Variants in ROBO1 observed in about 807,000 individuals in gnomAD.
The protein encoded by ROBO1 is roundabout guidance receptor 1, also known as roundabout homolog 1.
ROBO1 carries 149 observed loss-of-function variants against 195.9 expected under a neutral mutation model. The observed-to-expected ratio is 0.76, with a 90% CI of 0.67 to 0.87. The LOEUF is 0.87. ROBO1 is among the 40% of genes least tolerant of loss of function. The probability of loss-of-function intolerance (pLI) is 0.00; values close to 1 mark genes in which losing one functional copy is unlikely to be tolerated. For missense variants in ROBO1, 1,933 were observed against 2,068.3 expected (o/e 0.93, Z 1.27); for synonymous variants, 816 against 733.2 (o/e 1.11, Z -1.82).
At chr3:79,370,574 T>C (rs1431314088) in intron 2 of ROBO1, among the ~76,000 whole-genome samples, 1 of 151,972 alleles carries the variant, frequency 6.6e-6, no homozygotes, top group African/African-American at 2.4e-5. Context: ...TATTCATGTC[T>C]TGTACTACCC....
At chr3:78,859,066 G>T (rs1211816462) in intron 4 of ROBO1, among the ~76,000 whole-genome samples, 2 of 152,094 alleles carry the variant, frequency 1.3e-5, no homozygotes, top group Non-Finnish European at 2.9e-5. Context: ...GCCATGCAGG[G>T]TTTCCAAGTG....
chr3:79,542,783 A>C (rs1446850932), intron 2 of ROBO1, among the ~76,000 whole-genome samples: 1 of 152,032 alleles, frequency 6.6e-6, no homozygotes, highest in African/African-American at 2.4e-5. Flanking sequence ...TGAATTCCAT[A>C]ACTCGGTTCC....
intron 3 of ROBO1, among the ~76,000 whole-genome samples, chr3:79,082,837 T>C (rs940685420): frequency 1.9e-4 from 29 of 151,966 alleles, no homozygotes; most frequent in African/African-American, 6.8e-4. Context: ...GGCAGGTTGA[T>C]GGTGTGGAGA....
chr3:79,685,306 G>A (rs78309390), intron 1 of ROBO1, among the ~76,000 whole-genome samples: 2,485 of 152,242 alleles, frequency 0.016, 42 homozygotes, highest in African/African-American at 0.043. Flanking sequence ...GAAAGCTTAT[G>A]TAACTCTCAG....
intron 4 of ROBO1, among the ~76,000 whole-genome samples, chr3:78,910,568 T>C (rs1218164588): frequency 6.6e-6 from 1 of 151,898 alleles, no homozygotes; most frequent in Non-Finnish European, 1.5e-5. Context: ...GGCAATCTTG[T>C]AGAAAACTCC....
In ROBO1 at chr3:78,956,217, C is replaced by A. The variant is rs573138671; in HGVS notation, c.173-17290G>T. On this transcript the variant is annotated intron_variant, in intron 3 of 30. Transcript: ENST00000464233. ...TTTCTAAAGGGGTAAGTAAATAATT[C>A]ATCATTCCAAAACAAATGTCTAGTT... Among the ~76,000 whole-genome samples, 46 of 152,048 alleles carry A rather than the reference C, an allele frequency of 3.0e-4. 1 individual carries two copies. Among genetic ancestry groups the A allele is most frequent in the African/African-American group, 1.0e-3 (42 of 41,500 alleles).
At chr3:78,702,117 G>T (rs2081434691) in intron 8 of ROBO1, among the ~76,000 whole-genome samples, 1 of 152,144 alleles carries the variant, frequency 6.6e-6, no homozygotes, top group Non-Finnish European at 1.5e-5. Flanking sequence ...AAGGACACCA[G>T]ATGCTATGTA....
intron 2 of ROBO1, among the ~76,000 whole-genome samples, chr3:79,256,976 A>C (rs551200442): frequency 1.3e-4 from 20 of 152,296 alleles, no homozygotes; most frequent in Admixed American, 1.2e-3. Flanking sequence ...TGGTTAAATC[A>C]GTTAATATAC....
Position 79,042,266 on chromosome 3 carries a change from TAC to T in ROBO1, c.172+83188_172+83189del, listed in dbSNP as rs200327614. Among the ~76,000 whole-genome samples, 199 of 152,190 alleles carry T rather than the reference TAC, an allele frequency of 1.3e-3. 3 individuals carry two copies. In the East Asian group the frequency reaches 0.025, roughly 19 times the overall value. On this transcript the variant is annotated intron_variant, in intron 3 of 30. Coordinates refer to ENST00000464233, the MANE Select transcript of ROBO1 (RefSeq NM_002941.4). ...GTACTAGTCTACACATATACATACA[TAC>T]ACACACACATATGTATATATAATGC...
At chr3:78,831,157 C>A (rs550680694) in intron 4 of ROBO1, among the ~76,000 whole-genome samples, 1 of 151,984 alleles carries the variant, frequency 6.6e-6, no homozygotes, top group Non-Finnish European at 1.5e-5. Context: ...GTGATCCACC[C>A]GCCTCAGCCT....
intron 4 of ROBO1, among the ~76,000 whole-genome samples, chr3:78,769,770 G>A (rs1335532675): frequency 2.0e-5 from 3 of 151,940 alleles, no homozygotes; most frequent in Admixed American, 1.3e-4. Flanking sequence ...GTGGTGGTTT[G>A]GTAATGGCGA....
At chr3:79,630,464 A>T (rs567648395) in intron 1 of ROBO1, among the ~76,000 whole-genome samples, 1 of 152,040 alleles carries the variant, frequency 6.6e-6, no homozygotes, top group Non-Finnish European at 1.5e-5. Context: ...AAAACCCTTC[A>T]CAAAATAGGC....
intron 2 of ROBO1, among the ~76,000 whole-genome samples, chr3:79,450,985 T>A (rs1369575850): frequency 6.6e-6 from 1 of 152,024 alleles, no homozygotes; most frequent in Non-Finnish European, 1.5e-5. Flanking sequence ...ATTAGATATA[T>A]TGAATTTCTT....
rs1228385684 is a variant in ROBO1 at position 79,575,174 on chromosome 3, A to AAT, written c.88+14648_88+14649dup. Among the ~76,000 whole-genome samples the AAT allele has an allele frequency of 5.3e-3, 628 of 119,490 alleles. 23 individuals are homozygous for AAT. Among genetic ancestry groups the AAT allele is most frequent in the Middle Eastern group, 0.028 (6 of 216 alleles). 78.4% of individuals were successfully genotyped at this position (119,490 alleles called of 152,430 possible). On this transcript the variant is annotated intron_variant, in intron 2 of 30. Transcript: ENST00000464233. Reference sequence around the variant, plus strand: ...AATATATATATAACAAATATATATAAATATATATAACATATATATAAATAT... The same window carrying AAT: ...AATATATATATAACAAATATATATAAATATATATATAACATATATATAAATAT...
At chr3:78,711,394 C>T (rs3927224) in intron 8 of ROBO1, among the ~76,000 whole-genome samples, 11,317 of 32,558 alleles carry the variant, frequency 0.35, 1,765 homozygotes, top group Middle Eastern at 0.46. Context: ...TTCCTTCCTT[C>T]CTTCCTTTCT....
rs1559990983 is a variant in ROBO1, at chr3:79,557,742, A to AT, written c.88+32081_88+32082insA. ...AGCGAGACTGTCTTAAAACAAAAAA[A>AT]AATATATATATATATATATATATTT... On this transcript the variant is annotated intron_variant, in intron 2 of 30. Transcript: ENST00000464233. Among the ~76,000 whole-genome samples, 176 of 103,272 alleles carry AT rather than the reference A, an allele frequency of 1.7e-3. 1 individual carries two copies. The highest frequency in any genetic ancestry group is 2.7e-3 in the Non-Finnish European group (140 of 52,290). The allele number at this position is 103,272 out of a possible 152,430, so 67.8% of individuals were successfully genotyped here.
intron 3 of ROBO1, among the ~76,000 whole-genome samples, chr3:79,098,482 T>C (rs2079612518): frequency 6.6e-6 from 1 of 151,844 alleles, no homozygotes; most frequent in Admixed American, 6.6e-5. Flanking sequence ...TCTCAGGGGC[T>C]GTCTGTCTCA....
chr3:78,694,200 A>G (rs528862115), intron 8 of ROBO1, among the ~76,000 whole-genome samples: 1 of 152,322 alleles, frequency 6.6e-6, no homozygotes, highest in Non-Finnish European at 1.5e-5. Context: ...AATACTAGAA[A>G]TGGTTATTTC....
At chr3:79,649,572 T>C (rs1211676677) in intron 1 of ROBO1, among the ~76,000 whole-genome samples, 1 of 152,090 alleles carries the variant, frequency 6.6e-6, no homozygotes, top group Non-Finnish European at 1.5e-5. Flanking sequence ...TTAGAGTGAC[T>C]ATGGAAATAT....
Sources: gnomAD v4.1 joint callset for allele counts (sites outside exome capture counted in the v4.1 genomes callset) on GRCh38, gnomAD v4.1.1 for gene constraint, MANE v1.5 for transcripts, NCBI Gene and HGNC (gene_info 2026-07-23, HGNC 2026-07-21) for gene names.